The following ZNF880 variants were observed in gnomAD, a reference collection of about 807,000 sequenced individuals.
The protein encoded by ZNF880 is zinc finger protein 880, also known as zinc finger protein LOC400713.
ZNF880 carries 12 observed loss-of-function variants against 11.8 expected under a neutral mutation model. The observed-to-expected ratio is 1.02, with a 90% CI of 0.65 to 1.65. The LOEUF is 1.65. Ranked by LOEUF, ZNF880 falls within the 40% of genes most tolerant of loss-of-function variation. The pLI, the probability that ZNF880 is intolerant of heterozygous loss-of-function variation, is 0.00. For synonymous variants in ZNF880, 210 were observed against 232.4 expected (o/e 0.90, Z 0.88); for missense variants, 601 against 673.9 (o/e 0.89, Z 1.20).
chr19:52,394,134 C>T, the ZNF880 span, among the ~76,000 whole-genome samples: 4 of 150,086 alleles, frequency 2.7e-5, no homozygotes, highest in East Asian at 2.0e-4. Flanking sequence ...CCACTGCACC[C>T]GGCCTCTTTG....
At chr19:52,389,883 ATT>A, downstream of ZNF880, 1 of 151,976 alleles carries the variant, frequency 6.6e-6, no homozygotes, top group South Asian at 2.1e-4. Context: ...TTCAACAACC[ATT>A]TTCTAGGAAG....
At chr19:52,396,096 A>G in the ZNF880 span, among the ~76,000 whole-genome samples, 1 of 150,076 alleles carries the variant, frequency 6.7e-6, no homozygotes, top group Non-Finnish European at 1.5e-5. Context: ...CTGGGACTAC[A>G]GGCGTGTGCC....
rs767311005 is a variant in ZNF880, at chr19:52,371,377, G to GTC, written c.12+1406_12+1407dup. On this transcript the variant is annotated intron_variant, in intron 1 of 3. Coordinates refer to ENST00000422689, the MANE Select transcript of ZNF880 (RefSeq NM_001145434.2). ...TTTTTTTTTCTTTTTCTGAGATGGA[G>GTC]TCTCTCTTTGTCACCCAGGCTGGAG... Among the ~76,000 whole-genome samples, 6 of 151,410 alleles carry GTC rather than the reference G, an allele frequency of 4.0e-5. No homozygotes were observed. In the East Asian group the frequency reaches 1.2e-3, roughly 29 times the overall value.
At position 52,384,519 on chromosome 19, in the gene ZNF880, A is replaced by G; in HGVS notation, c.939A>G (p.Arg313=). ...TCAACAGAAATGCACACCTTGCACG[A>G]CATCAGAAAATTCATAGTGGAGAGA... is the stretch of plus-strand genomic sequence containing the variant. ...KVFNRNAHLA[R]HQKIHSGEKP... The change falls in exon 4 of 4, where the codon CGA becomes CGG. Residue 313 remains arginine (R), a synonymous_variant. Coordinates refer to ENST00000422689, the MANE Select transcript of ZNF880 (RefSeq NM_001145434.2). 2 of 1,614,022 alleles carry G rather than the reference A, an allele frequency of 1.2e-6. No homozygotes were observed. Among genetic ancestry groups the G allele is most frequent in the Non-Finnish European group, 1.7e-6 (2 of 1,179,968 alleles).
At chr19:52,368,343 A>C (rs1338723485), upstream of ZNF880, among the ~76,000 whole-genome samples, 1 of 152,188 alleles carries the variant, frequency 6.6e-6, no homozygotes. Flanking sequence ...GTTTTGGTAC[A>C]TTAACTAGAA....
downstream of ZNF880, among the ~76,000 whole-genome samples, chr19:52,387,968 C>T (rs1406070911): frequency 2.2e-5 from 3 of 136,430 alleles, 1 homozygote; most frequent in African/African-American, 8.8e-5. Context: ...CAACCTCCAC[C>T]TCCCAGGTTG....
intron 1 of ZNF880, 64 bp downstream of exon 1, chr19:52,370,041 C>T: frequency 6.5e-7 from 1 of 1,543,458 alleles, no homozygotes; most frequent in Non-Finnish European, 8.8e-7. Context: ...CTGTACCCGG[C>T]ATCTCAGGGG....
At chr19:52,372,315 T>C (rs1468986698) in intron 1 of ZNF880, among the ~76,000 whole-genome samples, 1 of 146,222 alleles carries the variant, frequency 6.8e-6, no homozygotes, top group Non-Finnish European at 1.5e-5. Context: ...GGAGACAGAG[T>C]CTCGCTCAGT....
upstream of ZNF880, among the ~76,000 whole-genome samples, chr19:52,369,649 C>G (rs1409021184): frequency 1.3e-5 from 2 of 152,092 alleles, no homozygotes; most frequent in African/African-American, 4.8e-5. Context: ...AAGCGATCCT[C>G]CCACCTCAGC....
Position 52,384,450 on chromosome 19 carries a change from C to G in ZNF880, c.870C>G (p.His290Gln), listed in dbSNP as rs1235021790. 6.2e-7 allele frequency: 1 copy of G among 1,613,870 alleles called. No homozygotes were observed. Among genetic ancestry groups the G allele is most frequent in the African/African-American group, 1.3e-5 (1 of 74,854 alleles). Residue 290 changes from histidine to glutamine, a missense_variant, in exon 4 of 4, where the codon CAC becomes CAG. By Grantham distance (24) the His-to-Gln change is conservative. Around this residue, in one of 3 missense-constraint regions of ZNF880, gnomAD observed 420 missense variants for 442.6 expected, o/e 0.95. Coordinates refer to ENST00000422689, the MANE Select transcript of ZNF880 (RefSeq NM_001145434.2). ...ACCTTGCAAATCATCACAGAATCCA[C>G]ACTGGAGAGAAACCTTACAAATGTA... The part of the protein sequence containing the change: ...NSHLANHHRI[H>Q]TGEKPYKCNE...
chr19:52,393,608 C>T, the ZNF880 span, among the ~76,000 whole-genome samples: 1 of 152,060 alleles, frequency 6.6e-6, no homozygotes, highest in African/African-American at 2.4e-5. Context: ...TGTCTTTCTA[C>T]ATAACTGCTA....
At chr19:52,382,088 A>C (rs1482623041) in intron 3 of ZNF880, among the ~76,000 whole-genome samples, 2 of 152,142 alleles carry the variant, frequency 1.3e-5, no homozygotes, top group African/African-American at 4.8e-5. Context: ...AGCCTGGCTG[A>C]CATGGCGAAA....
intron 2 of ZNF880, among the ~76,000 whole-genome samples, chr19:52,373,664 CTG>C (rs199875095): frequency 7.4e-6 from 1 of 135,278 alleles, no homozygotes; most frequent in African/African-American, 3.0e-5. Context: ...ATGTGAAATA[CTG>C]TAATTTTTTT....
chr19:52,393,111 T>C, the ZNF880 span, among the ~76,000 whole-genome samples: 10 of 151,680 alleles, frequency 6.6e-5, no homozygotes, highest in Non-Finnish European at 1.5e-4. Context: ...CTCACTCTGT[T>C]GCCCAGGCTG....
the ZNF880 span, chr19:52,396,240 G>T: frequency 6.6e-6 from 1 of 151,984 alleles, no homozygotes; most frequent in Non-Finnish European, 1.5e-5. Context: ...AAAGTATTGG[G>T]ATTACAGGCG....
intron 3 of ZNF880, among the ~76,000 whole-genome samples, chr19:52,378,539 C>T (rs1399229033): frequency 2.7e-5 from 4 of 149,552 alleles, no homozygotes; most frequent in Non-Finnish European, 5.9e-5. Context: ...CCCAGCTACT[C>T]GGGAGGCTGA....
rs1986861132 is a variant in ZNF880 at position 52,385,568 on chromosome 19, GA to G, written c.*255del. The stretch of plus-strand genomic sequence containing the variant: ...ACCATACAGATGGATTATGTATGCT[GA>G]GGCTATTATTCAAGGACCATTACTA... On this transcript the variant is annotated 3_prime_UTR_variant, in exon 4 of 4. Transcript: ENST00000422689. 2.8e-6 allele frequency: 1 copy of G among 356,454 alleles called. No homozygotes were observed. The highest frequency in any genetic ancestry group is 4.6e-5 in the Admixed American group (1 of 21,794). The allele number at this position is 356,454 out of a possible 1,614,324, so 22.1% of individuals were successfully genotyped here. A position where few individuals can be genotyped will look rare whatever the true frequency, so the allele number is the denominator to read the frequency against.
At chr19:52,392,127 G>A in the ZNF880 span, among the ~76,000 whole-genome samples, 1 of 152,114 alleles carries the variant, frequency 6.6e-6, no homozygotes, top group Non-Finnish European at 1.5e-5. Flanking sequence ...TACACAACTT[G>A]GAGAAACAAT....
At chr19:52,368,914 C>G (rs554970894), upstream of ZNF880, among the ~76,000 whole-genome samples, 19 of 124,028 alleles carry the variant, frequency 1.5e-4, no homozygotes, top group Non-Finnish European at 2.7e-4. Flanking sequence ...GCCAGGAGGT[C>G]GAGGCTGCAG....
Sources: gnomAD v4.1 joint callset for allele counts (sites outside exome capture counted in the v4.1 genomes callset) on GRCh38, gnomAD v4.1.1 for gene constraint, gnomAD v4.1.1 regional missense constraint, MANE v1.5 for transcripts, NCBI Gene and HGNC (gene_info 2026-07-23, HGNC 2026-07-21) for gene names.